HYCC2: variants seen among roughly 807,000 people sequenced by gnomAD.
HYCC2 encodes the protein hyccin 2.
At chr2:200,995,379 T>C in the HYCC2 span, among the ~76,000 whole-genome samples, 1 of 152,192 alleles carries the variant, frequency 6.6e-6, no homozygotes. Flanking sequence ...ATCTTTCTGG[T>C]ATTCACACTG....
At chr2:201,049,693 C>T in the HYCC2 span, among the ~76,000 whole-genome samples, 2 of 151,794 alleles carry the variant, frequency 1.3e-5, no homozygotes, top group Admixed American at 1.3e-4. Flanking sequence ...CATAGTCAGC[C>T]ACAAGAGAAG....
At chr2:200,983,603 C>T in the HYCC2 span, among the ~76,000 whole-genome samples, 8 of 152,254 alleles carry the variant, frequency 5.3e-5, no homozygotes, top group East Asian at 1.5e-3. Context: ...TCAACCTCTT[C>T]AAAAGAACTG....
the HYCC2 span, chr2:200,992,311 G>A: frequency 9.3e-6 from 15 of 1,611,200 alleles, no homozygotes; most frequent in Admixed American, 2.5e-4. Flanking sequence ...GCTCTAGCTG[G>A]GCTCTATAAA....
chr2:201,059,975 C>T, the HYCC2 span, among the ~76,000 whole-genome samples: 162 of 140,176 alleles, frequency 1.2e-3, 1 homozygote, highest in Non-Finnish European at 2.0e-3. Flanking sequence ...ACCCGGGAGG[C>T]GGAGGTTGCA....
chr2:201,013,510 G>A, the HYCC2 span, among the ~76,000 whole-genome samples: 175 of 150,250 alleles, frequency 1.2e-3, no homozygotes, highest in Non-Finnish European at 2.0e-3. Flanking sequence ...AAGAACAGCA[G>A]CAATAATCAT....
At chr2:201,055,261 T>C in the HYCC2 span, among the ~76,000 whole-genome samples, 1 of 151,814 alleles carries the variant, frequency 6.6e-6, no homozygotes, top group African/African-American at 2.4e-5. Context: ...TAGTATTAAA[T>C]ACATTCATAA....
At chr2:201,020,912 C>T in the HYCC2 span, among the ~76,000 whole-genome samples, 1 of 152,176 alleles carries the variant, frequency 6.6e-6, no homozygotes, top group East Asian at 1.9e-4. Context: ...GGACTACAGG[C>T]GTGCACCACC....
At chr2:201,027,904 A>G in the HYCC2 span, among the ~76,000 whole-genome samples, 6 of 152,194 alleles carry the variant, frequency 3.9e-5, no homozygotes, top group Non-Finnish European at 8.8e-5. Flanking sequence ...AAACTGGCAC[A>G]AGATAGGGAT....
At chr2:200,977,917 G>A in the HYCC2 span, 1 of 152,174 alleles carries the variant, frequency 6.6e-6, no homozygotes, top group African/African-American at 2.4e-5. Context: ...AGTAATTAAT[G>A]TCAGAGCGAG....
chr2:201,061,116 G>A, the HYCC2 span, among the ~76,000 whole-genome samples: 15 of 151,430 alleles, frequency 9.9e-5, no homozygotes, highest in African/African-American at 2.7e-4. Flanking sequence ...TCAACTAGCT[G>A]TTTAAAACTT....
chr2:201,014,615 T>C, the HYCC2 span, among the ~76,000 whole-genome samples: 2 of 152,220 alleles, frequency 1.3e-5, no homozygotes, highest in African/African-American at 4.8e-5. Context: ...CTGAACTGAA[T>C]GCAAGTCATT....
the HYCC2 span, among the ~76,000 whole-genome samples, chr2:201,024,838 G>A: frequency 6.6e-6 from 1 of 152,098 alleles, no homozygotes; most frequent in South Asian, 2.1e-4. Flanking sequence ...AAAAACAGCT[G>A]GGCACAGTGG....
the HYCC2 span, among the ~76,000 whole-genome samples, chr2:200,983,945 T>C: frequency 6.6e-6 from 1 of 152,250 alleles, no homozygotes; most frequent in East Asian, 1.9e-4. Context: ...TTTTATATAC[T>C]AAGAAATGCT....
chr2:201,000,548 G>A, the HYCC2 span, among the ~76,000 whole-genome samples: 1 of 151,990 alleles, frequency 6.6e-6, no homozygotes, highest in South Asian at 2.1e-4. Flanking sequence ...CATTAAGATG[G>A]CTACAATAAA....
At chr2:201,024,738 T>C in the HYCC2 span, among the ~76,000 whole-genome samples, 1 of 151,968 alleles carries the variant, frequency 6.6e-6, no homozygotes, top group Non-Finnish European at 1.5e-5. Flanking sequence ...AAACCAAAGG[T>C]TACATATTCA....
At chr2:200,974,198 T>C in the HYCC2 span, 1 of 151,682 alleles carries the variant, frequency 6.6e-6, no homozygotes, top group East Asian at 1.9e-4. Flanking sequence ...AAGTTATAGG[T>C]TGATGCTAGT....
the HYCC2 span, among the ~76,000 whole-genome samples, chr2:201,015,054 C>T: frequency 2.0e-5 from 3 of 152,034 alleles, no homozygotes; most frequent in African/African-American, 4.8e-5. Context: ...CCCCACTCAA[C>T]GACTCCAAGA....
chr2:201,043,785 G>A, the HYCC2 span, among the ~76,000 whole-genome samples: 1 of 152,170 alleles, frequency 6.6e-6, no homozygotes, highest in African/African-American at 2.4e-5. Flanking sequence ...TGGGATTACA[G>A]GTGTGAGCCA....
chr2:201,061,646 T>A, the HYCC2 span, among the ~76,000 whole-genome samples: 6 of 151,578 alleles, frequency 4.0e-5, no homozygotes, highest in Non-Finnish European at 7.4e-5. Flanking sequence ...TTTTTATTTT[T>A]ATTGAATAAG....
Sources: allele counts gnomAD v4.1 joint callset (sites outside exome capture counted in the v4.1 genomes callset), GRCh38; gene constraint gnomAD v4.1.1; transcripts MANE v1.5; gene names NCBI Gene and HGNC (gene_info 2026-07-23, HGNC 2026-07-21).